MVB12B: variants seen among roughly 807,000 people sequenced by gnomAD.
MVB12B encodes the protein multivesicular body subunit 12B, also known as ESCRT-I complex subunit MVB12B.
Under a neutral mutation model 41.6 loss-of-function variants are expected in MVB12B, and 16 were observed. The ratio of observed to expected loss-of-function variants is 0.38; its 90% CI spans 0.26 to 0.58. The LOEUF (loss-of-function observed/expected upper bound fraction) is 0.58, where lower values mean the gene tolerates loss of function less well. Ranked by LOEUF, MVB12B falls within the 20% of genes least tolerant of loss-of-function variation. MVB12B has a pLI of 0.62. For missense variants in MVB12B, 274 were observed against 380.2 expected (o/e 0.72, Z 2.32); for synonymous variants, 133 against 139.7 (o/e 0.95, Z 0.34).
chr9:126,335,446 T>TTG, intron 1 of MVB12B: 1 of 1,292,730 alleles, frequency 7.7e-7, no homozygotes, highest in Middle Eastern at 2.1e-4. Context: ...GTGGCTGGGT[T>TTG]TGTGTGTGTG....
chr9:126,388,767 C>G (rs1007877311), intron 4 of MVB12B, among the ~76,000 whole-genome samples: 1 of 152,048 alleles, frequency 6.6e-6, no homozygotes, highest in African/African-American at 2.4e-5. Flanking sequence ...TTCTGTTTGC[C>G]CTTCTCTGAT....
intron 6 of MVB12B, among the ~76,000 whole-genome samples, chr9:126,413,534 A>G (rs1390551948): frequency 6.6e-6 from 1 of 152,208 alleles, no homozygotes; most frequent in Non-Finnish European, 1.5e-5. Context: ...CTTTTGTCGC[A>G]TTACTTCCCC....
At chr9:126,457,836 A>G (rs1833013792) in intron 7 of MVB12B, among the ~76,000 whole-genome samples, 1 of 152,222 alleles carries the variant, frequency 6.6e-6, no homozygotes, top group Admixed American at 6.5e-5. Context: ...GGCACAAATG[A>G]AATCACGGCT....
rs1048562334 is a variant in MVB12B at position 126,486,946 on chromosome 9, G to A, written c.873+2914G>A. 2.0e-5 allele frequency among the ~76,000 whole-genome samples: 3 copies of A among 152,148 alleles called. No individual in the cohort carries two copies. Among genetic ancestry groups the A allele is most frequent in the African/African-American group, 7.2e-5 (3 of 41,432 alleles). On this transcript the variant is annotated intron_variant, in intron 9 of 9. Transcript: ENST00000361171. This position sits in a 1 kb window ranked among gnomAD's most constrained non-coding sequence, Gnocchi z 4.7. Reference sequence around the variant, plus strand: ...GTGAAGTGGGTGACGGTCCCAGTGTGGGGTCCAGGGCGGGTGGTGGGAACC... The same window carrying A: ...GTGAAGTGGGTGACGGTCCCAGTGTAGGGTCCAGGGCGGGTGGTGGGAACC...
At chr9:126,331,840 G>A (rs1195222465) in intron 1 of MVB12B, among the ~76,000 whole-genome samples, 3 of 152,208 alleles carry the variant, frequency 2.0e-5, no homozygotes, top group African/African-American at 7.2e-5. Flanking sequence ...CCCCATGGGG[G>A]TCTGAAGGAA....
At position 126,332,673 on chromosome 9, in the gene MVB12B, C is replaced by T. The variant is rs370608899; in HGVS notation, c.81+5663C>T. Among the ~76,000 whole-genome samples, 5 of 152,240 alleles carry T rather than the reference C, an allele frequency of 3.3e-5. No homozygotes were observed. The East Asian group carries it at 7.8e-4, about 24-fold the overall frequency. On this transcript the variant is annotated intron_variant, in intron 1 of 9. Coordinates refer to ENST00000361171, the MANE Select transcript of MVB12B (RefSeq NM_033446.3). ...GGGTCTGACAGCTCTGCTGTTCCCC[C>T]GCCCCTTTATGTGCCCCTGCCCCTT...
chr9:126,444,686 C>A lies in MVB12B; in HGVS notation c.757+22738C>A, dbSNP rs186512477. Among the ~76,000 whole-genome samples the A allele has an allele frequency of 1.2e-4, 19 of 152,208 alleles. 1 individual carries two copies. Among genetic ancestry groups the A allele is most frequent in the Admixed American group, 1.0e-3 (16 of 15,290 alleles). On this transcript the variant is annotated intron_variant, in intron 7 of 9. Transcript: ENST00000361171. ...TGCCATCACGTTTTAGAAAAGCCTT[C>A]TCGGTTTTCTGGTATATTCTAGTAC...
At chr9:126,330,823 C>T (rs1399955891) in intron 1 of MVB12B, among the ~76,000 whole-genome samples, 1 of 152,024 alleles carries the variant, frequency 6.6e-6, no homozygotes, top group Non-Finnish European at 1.5e-5. Flanking sequence ...TTTGACTACC[C>T]TAGGTAGTCA....
chr9:126,443,878 C>T (rs1832703964), intron 7 of MVB12B, among the ~76,000 whole-genome samples: 1 of 152,256 alleles, frequency 6.6e-6, no homozygotes, highest in Non-Finnish European at 1.5e-5. Context: ...TCCGGCCCTT[C>T]CCTCCCCATC....
intron 2 of MVB12B, among the ~76,000 whole-genome samples, chr9:126,363,785 G>A (rs956752687): frequency 1.3e-5 from 2 of 152,108 alleles, no homozygotes; most frequent in African/African-American, 4.8e-5. Context: ...TTCCTCAGAG[G>A]TGCTGTGCCC....
chr9:126,388,484 G>A (rs1161053942), intron 4 of MVB12B, among the ~76,000 whole-genome samples: 1 of 152,160 alleles, frequency 6.6e-6, no homozygotes, highest in East Asian at 1.9e-4. Context: ...TTAGGAATGA[G>A]GCTGCTATGA....
Position 126,459,775 on chromosome 9 carries a change from G to A in MVB12B, c.758-21594G>A, listed in dbSNP as rs1035530067. ...ACCTGCACCCATCCTTGCCTGCCCC[G>A]CTCACTTGGACCTGCCACTCTCCCA... On this transcript the variant is annotated intron_variant, in intron 7 of 9. Coordinates refer to ENST00000361171, the MANE Select transcript of MVB12B (RefSeq NM_033446.3). The surrounding 1 kb of genome is among the most constrained non-coding windows in gnomAD (Gnocchi z 4.3). Among the ~76,000 whole-genome samples the A allele has an allele frequency of 1.3e-5, 2 of 152,112 alleles. No individual in the cohort carries two copies. The highest frequency in any genetic ancestry group is 2.4e-5 in the African/African-American group (1 of 41,432).
At chr9:126,422,450 G>A (rs1291879365) in intron 7 of MVB12B, among the ~76,000 whole-genome samples, 1 of 152,174 alleles carries the variant, frequency 6.6e-6, no homozygotes, top group East Asian at 1.9e-4. Flanking sequence ...GTGTTACCTT[G>A]GCAGGAACTT....
intron 1 of MVB12B, among the ~76,000 whole-genome samples, chr9:126,338,185 G>C (rs371637736): frequency 3.3e-5 from 5 of 152,368 alleles, no homozygotes; most frequent in African/African-American, 1.2e-4. Context: ...ACAGCAGCTG[G>C]GGGGAAGGAG....
Position 126,333,023 on chromosome 9 carries a change from T to C in MVB12B, c.81+6013T>C, listed in dbSNP as rs183101152. On this transcript the variant is annotated intron_variant, in intron 1 of 9. Coordinates refer to ENST00000361171, the MANE Select transcript of MVB12B (RefSeq NM_033446.3). This position sits in a 1 kb window ranked among gnomAD's most constrained non-coding sequence, Gnocchi z 4.7. ...TGCATGATGTCAGGATTCTGAGTGG[T>C]GGCACCTGTCTGACTGGGAAATTGG... Among the ~76,000 whole-genome samples the C allele has an allele frequency of 4.1e-4, 63 of 152,354 alleles. No homozygotes were observed. Among genetic ancestry groups the C allele is most frequent in the African/African-American group, 1.3e-3 (56 of 41,580 alleles).
At chr9:126,471,809 C>T (rs1833319702) in intron 7 of MVB12B, among the ~76,000 whole-genome samples, 1 of 152,138 alleles carries the variant, frequency 6.6e-6, no homozygotes, top group African/African-American at 2.4e-5. Flanking sequence ...GGCCTCCCAC[C>T]ACTCCAATTG....
chr9:126,384,296 T>C (rs1041814741), intron 3 of MVB12B, among the ~76,000 whole-genome samples: 1 of 152,074 alleles, frequency 6.6e-6, no homozygotes, highest in Non-Finnish European at 1.5e-5. Flanking sequence ...TATCAAATTG[T>C]TGGTAAATAT....
intron 2 of MVB12B, among the ~76,000 whole-genome samples, chr9:126,377,858 C>G (rs1196078205): frequency 1.3e-5 from 2 of 152,246 alleles, no homozygotes; most frequent in Admixed American, 6.5e-5. Context: ...ACATCACTTT[C>G]CAGACTTGGT....
At chr9:126,355,700 C>G (rs1294995976) in intron 2 of MVB12B, among the ~76,000 whole-genome samples, 2 of 152,174 alleles carry the variant, frequency 1.3e-5, no homozygotes, top group Non-Finnish European at 2.9e-5. Context: ...TCAATTTAAC[C>G]TATTCTTCTA....
Sources: allele counts gnomAD v4.1 joint callset (sites outside exome capture counted in the v4.1 genomes callset), GRCh38; gene constraint gnomAD v4.1.1; non-coding constraint Gnocchi (gnomAD v3.1); transcripts MANE v1.5; gene names NCBI Gene and HGNC (gene_info 2026-07-23, HGNC 2026-07-21).